Variants in ZNF804B observed in about 807,000 individuals in gnomAD.
ZNF804B encodes the protein zinc finger 804B.
Under a neutral mutation model 101.4 loss-of-function variants are expected in ZNF804B, and 80 were observed. That is an observed-to-expected ratio of 0.79 (90% CI 0.66 to 0.95). The LOEUF (loss-of-function observed/expected upper bound fraction) is 0.95. Ranked by LOEUF, ZNF804B falls within the 40% of genes least tolerant of loss-of-function variation. ZNF804B has a pLI of 0.00. For synonymous variants in ZNF804B, 622 were observed against 558.8 expected (o/e 1.11, Z -1.59); for missense variants, 1,673 against 1,561.9 (o/e 1.07, Z -1.20).
intron 1 of ZNF804B, among the ~76,000 whole-genome samples, chr7:89,001,742 A>C (rs1584064339): frequency 6.6e-6 from 1 of 151,906 alleles, no homozygotes; most frequent in East Asian, 1.9e-4. Context: ...ATATTAATAC[A>C]CTGTTATGTC....
At chr7:89,116,578 C>G (rs1790315306) in intron 1 of ZNF804B, among the ~76,000 whole-genome samples, 1 of 152,078 alleles carries the variant, frequency 6.6e-6, no homozygotes, top group Admixed American at 6.6e-5. Context: ...TTTAAAGGTT[C>G]AAATATTAAG....
At chr7:88,839,745 C>A (rs1430710935) in intron 1 of ZNF804B, among the ~76,000 whole-genome samples, 4 of 144,226 alleles carry the variant, frequency 2.8e-5, no homozygotes, top group Non-Finnish European at 5.9e-5. Flanking sequence ...AGAGCAGGTT[C>A]TTCACCGAGA....
intron 1 of ZNF804B, among the ~76,000 whole-genome samples, chr7:89,213,262 G>A (rs1173846943): frequency 1.3e-5 from 2 of 152,156 alleles, no homozygotes; most frequent in African/African-American, 4.8e-5. Flanking sequence ...GATTGGAAGA[G>A]GGGAAAATTC....
chr7:88,839,943 C>G (rs575491905), intron 1 of ZNF804B, among the ~76,000 whole-genome samples: 1 of 152,066 alleles, frequency 6.6e-6, no homozygotes, highest in Non-Finnish European at 1.5e-5. Flanking sequence ...TAGTTTGGCT[C>G]CTTGGGTGCT....
At chr7:88,930,757 C>T (rs149240318) in intron 1 of ZNF804B, among the ~76,000 whole-genome samples, 4 of 151,950 alleles carry the variant, frequency 2.6e-5, no homozygotes, top group African/African-American at 9.6e-5. Flanking sequence ...TGATGGCATT[C>T]ATCAAATTTG....
At chr7:89,314,181 G>A (rs1790686458) in intron 2 of ZNF804B, among the ~76,000 whole-genome samples, 2 of 152,098 alleles carry the variant, frequency 1.3e-5, no homozygotes, top group African/African-American at 4.8e-5. Context: ...AAAGTGACAT[G>A]AAATCTTGGA....
At chr7:88,985,476 G>A (rs1481759864) in intron 1 of ZNF804B, among the ~76,000 whole-genome samples, 1 of 152,072 alleles carries the variant, frequency 6.6e-6, no homozygotes, top group Non-Finnish European at 1.5e-5. Flanking sequence ...CAAGGTCAGA[G>A]TGTAAAGGGT....
intron 1 of ZNF804B, among the ~76,000 whole-genome samples, chr7:88,838,182 A>G (rs902935316): frequency 2.0e-5 from 3 of 151,882 alleles, no homozygotes; most frequent in Non-Finnish European, 4.4e-5. Context: ...TGCCTGGTCC[A>G]ATCAAAGCTC....
At chr7:88,839,898 A>G (rs1023879358) in intron 1 of ZNF804B, among the ~76,000 whole-genome samples, 5 of 152,148 alleles carry the variant, frequency 3.3e-5, no homozygotes, top group Non-Finnish European at 5.9e-5. Context: ...CATTCAACAT[A>G]TAATATCTCA....
chr7:89,001,560 C>T (rs1788289245), intron 1 of ZNF804B, among the ~76,000 whole-genome samples: 1 of 151,858 alleles, frequency 6.6e-6, no homozygotes, highest in Non-Finnish European at 1.5e-5. Flanking sequence ...TTTGAAAACA[C>T]AACCAATAAA....
intron 1 of ZNF804B, among the ~76,000 whole-genome samples, chr7:89,050,187 G>C (rs993907184): frequency 2.6e-5 from 4 of 151,302 alleles, no homozygotes; most frequent in Non-Finnish European, 4.4e-5. Flanking sequence ...TAAAGGCAAT[G>C]ACAAAAAAAA....
At chr7:88,861,214 T>A (rs1386475794) in intron 1 of ZNF804B, among the ~76,000 whole-genome samples, 1 of 152,244 alleles carries the variant, frequency 6.6e-6, no homozygotes, top group Non-Finnish European at 1.5e-5. Flanking sequence ...TGTAATTTTT[T>A]AAATGGGCTT....
intron 1 of ZNF804B, among the ~76,000 whole-genome samples, chr7:88,953,435 A>G (rs1210675892): frequency 1.3e-5 from 2 of 151,824 alleles, no homozygotes; most frequent in Non-Finnish European, 2.9e-5. Context: ...TTTAAAAAAT[A>G]GAACACATTA....
chr7:89,058,605 G>T (rs1302036115), intron 1 of ZNF804B, among the ~76,000 whole-genome samples: 1 of 152,074 alleles, frequency 6.6e-6, no homozygotes, highest in Non-Finnish European at 1.5e-5. Flanking sequence ...TGGGGGGTCT[G>T]GTAGTACATG....
intron 1 of ZNF804B, among the ~76,000 whole-genome samples, chr7:89,196,201 A>G (rs937057283): frequency 2.0e-5 from 3 of 152,154 alleles, no homozygotes; most frequent in Non-Finnish European, 4.4e-5. Context: ...CAGTATTAAA[A>G]CAGACCCATA....
chr7:89,163,306 A>G lies in ZNF804B; in HGVS notation c.109-54849A>G, dbSNP rs116957240. Among the ~76,000 whole-genome samples, 181 of 152,208 alleles carry G rather than the reference A, an allele frequency of 1.2e-3. 4 individuals carry two copies. The East Asian group carries it at 0.028, about 24-fold the overall frequency. On this transcript the variant is annotated intron_variant, in intron 1 of 3. Transcript: ENST00000333190. ...TAAGAGCTTCATGTAAAAGCTTTAT[A>G]GTTAAAGCTCAGTATTTTTTAACTT...
chr7:89,105,174 G>A (rs1258211475), intron 1 of ZNF804B, among the ~76,000 whole-genome samples: 1 of 152,010 alleles, frequency 6.6e-6, no homozygotes, highest in Non-Finnish European at 1.5e-5. Context: ...CCCTTCAGGG[G>A]TTGTCTCTGA....
intron 1 of ZNF804B, among the ~76,000 whole-genome samples, chr7:89,086,098 G>A (rs1583977737): frequency 2.0e-5 from 3 of 151,992 alleles, no homozygotes; most frequent in Middle Eastern, 3.4e-3. Context: ...TTAGGAAAGA[G>A]CCTGTTATCA....
chr7:89,200,814 A>G (rs747510640), intron 1 of ZNF804B, among the ~76,000 whole-genome samples: 50 of 151,672 alleles, frequency 3.3e-4, no homozygotes, highest in Non-Finnish European at 6.6e-4. Flanking sequence ...TTTCTTTTTT[A>G]CCCTTTGGTC....
Sources: gnomAD v4.1 joint callset for allele counts (sites outside exome capture counted in the v4.1 genomes callset) on GRCh38, gnomAD v4.1.1 for gene constraint, MANE v1.5 for transcripts, NCBI Gene and HGNC (gene_info 2026-07-23, HGNC 2026-07-21) for gene names.